The following PVT1 variants were observed in gnomAD, a reference collection of about 807,000 sequenced individuals.
PVT1 encodes the protein CXCR4/PVT1 fusion.
intron 3 of PVT1, among the ~76,000 whole-genome samples, chr8:127,924,512 T>G (rs1271314884): frequency 1.8e-5 from 2 of 114,142 alleles, no homozygotes; most frequent in Non-Finnish European, 4.0e-5. Context: ...TTTTGTATTT[T>G]TTTTTTTTTT....
At chr8:127,858,802 A>ATTT (rs1442302514) in intron 2 of PVT1, among the ~76,000 whole-genome samples, 186 of 38,112 alleles carry the variant, frequency 4.9e-3, no homozygotes, top group Non-Finnish European at 6.7e-3. Context: ...ACACTTGAAG[A>ATTT]TTCTTTTTTT....
intron 2 of PVT1, among the ~76,000 whole-genome samples, chr8:127,857,239 A>G (rs1364319293): frequency 1.3e-5 from 2 of 152,116 alleles, no homozygotes; most frequent in Non-Finnish European, 2.9e-5. Flanking sequence ...AATAATAATA[A>G]TAGTAATATA....
At chr8:127,903,329 T>C (rs1815781551) in intron 3 of PVT1, among the ~76,000 whole-genome samples, 1 of 152,250 alleles carries the variant, frequency 6.6e-6, no homozygotes, top group Non-Finnish European at 1.5e-5. Flanking sequence ...TTCTGGATAT[T>C]GGAACTTTGT....
intron 2 of PVT1, among the ~76,000 whole-genome samples, chr8:127,813,823 C>T (rs1814627900): frequency 6.6e-6 from 1 of 152,322 alleles, no homozygotes; most frequent in East Asian, 1.9e-4. Flanking sequence ...GAGAGGCAGA[C>T]CCAGGCTGGA....
intron 2 of PVT1, among the ~76,000 whole-genome samples, chr8:127,842,395 C>T (rs984476605): frequency 6.6e-6 from 1 of 151,974 alleles, no homozygotes; most frequent in Non-Finnish European, 1.5e-5. Flanking sequence ...GCTGGGAATA[C>T]AGGTGTGCGC....
At position 127,859,816 on chromosome 8, in the gene PVT1, G is replaced by T. The variant is rs558825883; in HGVS notation, n.373-30773G>T. ...GTACCATGGGGATGATACCATCTAG[G>T]TCGAAGGTAGTTGCAGGAGATTCTC... On this transcript the variant is annotated intron_variant and non_coding_transcript_variant, in intron 2 of 10. Transcript: ENST00000651587. Among the ~76,000 whole-genome samples the T allele has an allele frequency of 3.5e-4, 53 of 151,992 alleles. 1 individual carries two copies. Among genetic ancestry groups the T allele is most frequent in the Non-Finnish European group, 7.2e-4 (49 of 68,024 alleles).
At chr8:127,827,428 TG>T (rs1445240874) in intron 2 of PVT1, among the ~76,000 whole-genome samples, 13 of 152,188 alleles carry the variant, frequency 8.5e-5, no homozygotes, top group Non-Finnish European at 1.8e-4. Context: ...ACTGCTCCTC[TG>T]GTTCACCCCC....
Position 127,813,210 on chromosome 8 carries a change from A to AAT in PVT1, n.372+17151_372+17152dup, listed in dbSNP as rs538717596. ...TATATACAAATATATATAATATACA[A>AAT]ATATATATATATAATATATACAAAT... On this transcript the variant is annotated intron_variant and non_coding_transcript_variant, in intron 2 of 10. Transcript: ENST00000651587. 4.3e-3 allele frequency among the ~76,000 whole-genome samples: 234 copies of AAT among 54,586 alleles called. 1 individual carries two copies. The highest frequency in any genetic ancestry group is 7.5e-3 in the Non-Finnish European group (199 of 26,676). 35.8% of individuals were successfully genotyped at this position (54,586 alleles called of 152,430 possible). A position where few individuals can be genotyped will look rare whatever the true frequency, so the allele number is the denominator to read the frequency against.
intron 4 of PVT1, among the ~76,000 whole-genome samples, chr8:128,066,784 A>G (rs535332602): frequency 3.3e-5 from 5 of 152,290 alleles, no homozygotes; most frequent in African/African-American, 7.2e-5. Flanking sequence ...CTGAGCATCT[A>G]TCCTCACAAA....
intron 3 of PVT1, among the ~76,000 whole-genome samples, chr8:127,961,811 TG>T (rs1422526950): frequency 6.6e-6 from 1 of 152,220 alleles, no homozygotes; most frequent in Non-Finnish European, 1.5e-5. Context: ...GGAGTGGGGA[TG>T]GCCTTCAGGA....
At chr8:127,880,561 G>GCTGGGATT (rs1218081043) in intron 2 of PVT1, among the ~76,000 whole-genome samples, 3 of 145,874 alleles carry the variant, frequency 2.1e-5, no homozygotes, top group African/African-American at 7.6e-5. Flanking sequence ...CTCCCAAAGT[G>GCTGGGATT]CTGGGATTAT....
At chr8:127,809,983 A>C (rs1370408620) in intron 2 of PVT1, among the ~76,000 whole-genome samples, 1 of 152,222 alleles carries the variant, frequency 6.6e-6, no homozygotes, top group East Asian at 1.9e-4. Context: ...GGAGACCAGT[A>C]GCTTCCTCTG....
intron 2 of PVT1, among the ~76,000 whole-genome samples, chr8:127,811,098 C>G (rs1291757797): frequency 1.3e-5 from 2 of 152,114 alleles, no homozygotes; most frequent in Non-Finnish European, 2.9e-5. Context: ...GGTCCCTCTT[C>G]TAGATGTTAT....
chr8:127,926,851 G>A (rs1396807598), intron 3 of PVT1, among the ~76,000 whole-genome samples: 1 of 152,146 alleles, frequency 6.6e-6, no homozygotes, highest in African/African-American at 2.4e-5. Flanking sequence ...AAGCTTCCTG[G>A]GCTGGCCTGT....
At chr8:128,057,360 G>A (rs1395596622) in intron 4 of PVT1, among the ~76,000 whole-genome samples, 5 of 152,036 alleles carry the variant, frequency 3.3e-5, no homozygotes, top group Non-Finnish European at 5.9e-5. Flanking sequence ...TGACCTAACC[G>A]GAAAAACCCC....
intron 2 of PVT1, among the ~76,000 whole-genome samples, chr8:127,871,581 G>C (rs1815352132): frequency 6.6e-6 from 1 of 152,142 alleles, no homozygotes; most frequent in Non-Finnish European, 1.5e-5. Flanking sequence ...GCCTCTTAGT[G>C]TAGGGCATGA....
chr8:128,058,378 ATGTGTGTGTG>A (rs3041914), intron 4 of PVT1, among the ~76,000 whole-genome samples: 25 of 146,676 alleles, frequency 1.7e-4, no homozygotes, highest in Admixed American at 5.5e-4. Flanking sequence ...AAACTGATGC[ATGTGTGTGTG>A]TGTGTGTGTG....
intron 2 of PVT1, among the ~76,000 whole-genome samples, chr8:127,799,869 T>C (rs1814442471): frequency 6.6e-6 from 1 of 152,234 alleles, no homozygotes; most frequent in South Asian, 2.1e-4. Context: ...GATCTTAAGA[T>C]GGCAGTGACT....
chr8:128,030,763 C>A (rs1050479594), intron 4 of PVT1, among the ~76,000 whole-genome samples: 1 of 152,132 alleles, frequency 6.6e-6, no homozygotes, highest in African/African-American at 2.4e-5. Flanking sequence ...TCTTTTTTAT[C>A]TCATTTCTTG....
Sources: gnomAD v4.1 joint callset for allele counts (sites outside exome capture counted in the v4.1 genomes callset) on GRCh38, gnomAD v4.1.1 for gene constraint, MANE v1.5 for transcripts, NCBI Gene and HGNC (gene_info 2026-07-23, HGNC 2026-07-21) for gene names.